Variants in EZH2 observed in about 807,000 individuals in gnomAD.
EZH2 encodes enhancer of zeste 2 polycomb repressive complex 2 subunit, also known as histone-lysine N-methyltransferase EZH2.
Under a neutral mutation model 98.4 loss-of-function variants are expected in EZH2, and 18 were observed. That is an observed-to-expected ratio of 0.18 (90% CI 0.13 to 0.27). The LOEUF (loss-of-function observed/expected upper bound fraction) is 0.27. Ranked by LOEUF, EZH2 falls within the 10% of genes least tolerant of loss-of-function variation. EZH2 has a pLI of 1.00. For missense variants in EZH2, 470 were observed against 935.1 expected (o/e 0.50, Z 6.49); for synonymous variants, 338 against 312.3 (o/e 1.08, Z -0.87).
Position 148,823,790 on chromosome 7 carries a change from A to C in EZH2, c.907+2664T>G, listed in dbSNP as rs188207034. On this transcript the variant is annotated intron_variant, in intron 8 of 19. Coordinates refer to ENST00000320356, the MANE Select transcript of EZH2 (RefSeq NM_004456.5). ...CTCTGCCTCCCAAAGCACTGGCATT[A>C]AAAGGATGAGCCACCGCGCCCAGCA... Among the ~76,000 whole-genome samples, 8 of 152,198 alleles carry C rather than the reference A, an allele frequency of 5.3e-5. No individual in the cohort carries two copies. The South Asian group carries it at 1.0e-3, about 20-fold the overall frequency.
intron 8 of EZH2, among the ~76,000 whole-genome samples, chr7:148,825,181 T>C (rs75193135): frequency 9.2e-5 from 14 of 152,304 alleles, no homozygotes; most frequent in African/African-American, 2.4e-4. Flanking sequence ...CAATGTCCAA[T>C]AGTCTTAATA....
At chr7:148,869,723 T>C (rs1184175572) in intron 1 of EZH2, among the ~76,000 whole-genome samples, 1 of 152,198 alleles carries the variant, frequency 6.6e-6, no homozygotes, top group African/African-American at 2.4e-5. Flanking sequence ...AATGAAGACA[T>C]CCTCTCTGCA....
At chr7:148,882,817 A>G (rs1332785804) in intron 1 of EZH2, among the ~76,000 whole-genome samples, 1 of 152,240 alleles carries the variant, frequency 6.6e-6, no homozygotes, top group Non-Finnish European at 1.5e-5. Context: ...TTTATTTCCA[A>G]ATGAATTTAA....
chr7:148,827,301 G>C (rs1235791616), intron 6 of EZH2, 35 bp from the exon 7 acceptor site: 1 of 1,512,868 alleles, frequency 6.6e-7, no homozygotes, highest in South Asian at 1.2e-5. Context: ...AAAAAGAATG[G>C]AAGTAAACAA....
At chr7:148,850,425 C>T (rs1193272008) in intron 1 of EZH2, 1 of 918,452 alleles carries the variant, frequency 1.1e-6, no homozygotes, top group Non-Finnish European at 1.3e-6. Flanking sequence ...GGAAGACTTT[C>T]CATGCTGTTT....
At chr7:148,821,425 C>T (rs1806049862) in intron 8 of EZH2, among the ~76,000 whole-genome samples, 2 of 152,156 alleles carry the variant, frequency 1.3e-5, no homozygotes, top group South Asian at 2.1e-4. Context: ...GTTAGTTAGA[C>T]TTAACCCTTA....
At position 148,832,679 on chromosome 7, in the gene EZH2, T is replaced by C. The variant is rs1378180485; in HGVS notation, c.318A>G (p.Ser106=). The C allele has an allele frequency of 6.2e-7, 1 of 1,611,702 alleles. No homozygotes were observed. Among genetic ancestry groups the C allele is most frequent in the East Asian group, 2.2e-5 (1 of 44,820 alleles). The stretch of plus-strand genomic sequence containing the variant: ...GAGACCAAGAATACATTATGGGTAC[T>C]GAAGCAACTGCATTCAGAGTCTTTA... The part of the protein sequence containing the change: ...IPLKTLNAVA[S]VPIMYSWSPL... Residue 106 remains serine, a synonymous_variant, in exon 4 of 20, where the codon TCA becomes TCG. Transcript: ENST00000320356.
At chr7:148,835,986 G>A (rs956148228) in intron 3 of EZH2, among the ~76,000 whole-genome samples, 7 of 152,128 alleles carry the variant, frequency 4.6e-5, no homozygotes, top group Non-Finnish European at 7.3e-5. Context: ...GCAGCACTAC[G>A]TACTACTTCC....
At chr7:148,826,412 TAA>T (rs1807733113) in intron 8 of EZH2, 40 bp downstream of exon 8, 1 of 1,474,594 alleles carries the variant, frequency 6.8e-7, no homozygotes, top group Non-Finnish European at 9.1e-7. Context: ...CAAGCTGCTT[TAA>T]AACATAATTC....
At chr7:148,828,604 G>A in intron 6 of EZH2, 136 bp downstream of exon 6, 2 of 1,167,260 alleles carry the variant, frequency 1.7e-6, no homozygotes, top group Non-Finnish European at 2.4e-6. Flanking sequence ...TGTTAATTTT[G>A]ATTATACTGC....
At chr7:148,859,505 A>AAAC (rs71529644) in intron 1 of EZH2, among the ~76,000 whole-genome samples, 26,386 of 150,090 alleles carry the variant, frequency 0.18, 3,151 homozygotes, top group African/African-American at 0.33. Flanking sequence ...TCTGTCTCAA[A>AAAC]AACAACAACA....
At chr7:148,808,557 C>T (rs1044188707) in intron 19 of EZH2, among the ~76,000 whole-genome samples, 6 of 152,344 alleles carry the variant, frequency 3.9e-5, no homozygotes, top group African/African-American at 9.6e-5. Context: ...TGGTGGCCCA[C>T]GTGTCCCAGG....
At chr7:148,876,925 G>C (rs1315357312) in intron 1 of EZH2, among the ~76,000 whole-genome samples, 2 of 152,186 alleles carry the variant, frequency 1.3e-5, no homozygotes, top group East Asian at 3.9e-4. Flanking sequence ...TGAAGCTAAC[G>C]TACCCAAATT....
intron 6 of EZH2, 93 bp from the exon 7 acceptor site, chr7:148,827,359 G>A: frequency 1.2e-6 from 1 of 861,440 alleles, no homozygotes; most frequent in Non-Finnish European, 1.8e-6. Flanking sequence ...CTATAACAAA[G>A]CTGATTTTCT....
At chr7:148,881,841 G>A (rs1266480681) in intron 1 of EZH2, among the ~76,000 whole-genome samples, 1 of 151,660 alleles carries the variant, frequency 6.6e-6, no homozygotes, top group African/African-American at 2.4e-5. Context: ...GGCTGAGGCA[G>A]GGGAATTCCT....
At chr7:148,815,797 C>T (rs1301608277) in intron 12 of EZH2, among the ~76,000 whole-genome samples, 3 of 152,134 alleles carry the variant, frequency 2.0e-5, no homozygotes, top group African/African-American at 7.2e-5. Context: ...CTCCTGAGCT[C>T]CCAATGCTGC....
intron 1 of EZH2, among the ~76,000 whole-genome samples, chr7:148,877,007 AAAT>A (rs1820263989): frequency 1.3e-5 from 2 of 152,194 alleles, no homozygotes; most frequent in South Asian, 4.1e-4. Flanking sequence ...TATCTATATA[AAAT>A]AATGACTTAG....
In EZH2 at chr7:148,845,140, A is replaced by T. The variant is rs575018143; in HGVS notation, c.246+1330T>A. Among the ~76,000 whole-genome samples, 3 of 152,334 alleles carry T rather than the reference A, an allele frequency of 2.0e-5. No homozygotes were observed. The East Asian group carries it at 5.8e-4, about 29-fold the overall frequency. On this transcript the variant is annotated intron_variant, in intron 3 of 19. Coordinates refer to ENST00000320356, the MANE Select transcript of EZH2 (RefSeq NM_004456.5). Reference sequence around the variant, plus strand: ...TGGCAAAAATAAGTTTTCCATGTGAATCTACCTAATTTCTCCAAATTTCTA... The same window carrying T: ...TGGCAAAAATAAGTTTTCCATGTGATTCTACCTAATTTCTCCAAATTTCTA...
intron 8 of EZH2, among the ~76,000 whole-genome samples, chr7:148,822,862 A>C (rs1806560143): frequency 6.6e-6 from 1 of 152,076 alleles, no homozygotes; most frequent in Non-Finnish European, 1.5e-5. Context: ...GAATCACTTG[A>C]ATCCAGGAGG....
Sources: gnomAD v4.1 joint callset for allele counts (sites outside exome capture counted in the v4.1 genomes callset) on GRCh38, gnomAD v4.1.1 for gene constraint, MANE v1.5 for transcripts, NCBI Gene and HGNC (gene_info 2026-07-23, HGNC 2026-07-21) for gene names.